The following PKN2 variants were observed in gnomAD, a reference collection of about 807,000 sequenced individuals.
PKN2 encodes the protein protein kinase N2.
PKN2 carries 38 observed loss-of-function variants against 119.1 expected under a neutral mutation model. The observed-to-expected ratio is 0.32, with a 90% CI of 0.25 to 0.42. The LOEUF (loss-of-function observed/expected upper bound fraction) is 0.42. Ranked by LOEUF, PKN2 falls within the 10% of genes least tolerant of loss-of-function variation. PKN2 has a pLI of 1.00. For synonymous variants in PKN2, 390 were observed against 384.9 expected (o/e 1.01, Z -0.15); for missense variants, 850 against 1,165.1 (o/e 0.73, Z 3.94).
At position 88,749,403 on chromosome 1, in the gene PKN2, C is replaced by CAAA. The variant is rs11430270; in HGVS notation, c.349+8132_349+8134dup. 4.8e-4 allele frequency among the ~76,000 whole-genome samples: 56 copies of CAAA among 116,740 alleles called. 1 individual carries two copies. The highest frequency in any genetic ancestry group is 1.1e-3 in the African/African-American group (33 of 30,490). The allele number at this position is 116,740 out of a possible 152,430, so 76.6% of individuals were successfully genotyped here. On this transcript the variant is annotated intron_variant, in intron 2 of 21. Transcript: ENST00000370521. Reference sequence around the variant, plus strand: ...CCGGCGACAGTGCGAGACTCCGTCTCAAAAAAAAAAAAAAAAAAATTATTC... The same window carrying CAAA: ...CCGGCGACAGTGCGAGACTCCGTCTCAAAAAAAAAAAAAAAAAAAAAATTATTC...
Position 88,818,658 on chromosome 1 carries a change from A to G in PKN2, c.2280-3283A>G, listed in dbSNP as rs933676241. Among the ~76,000 whole-genome samples the G allele has an allele frequency of 7.9e-5, 12 of 151,720 alleles. No homozygotes were observed. The East Asian group carries it at 9.6e-4, about 12-fold the overall frequency. Reference sequence around the variant, plus strand: ...GTGAGACTCCTTCTCAAAAAAAAAAAAAAAAGAAAAAGAAGAAACTACTTT... The same window carrying G: ...GTGAGACTCCTTCTCAAAAAAAAAAGAAAAAGAAAAAGAAGAAACTACTTT... On this transcript the variant is annotated intron_variant, in intron 16 of 21. Coordinates refer to ENST00000370521, the MANE Select transcript of PKN2 (RefSeq NM_006256.4).
intron 2 of PKN2, among the ~76,000 whole-genome samples, chr1:88,758,951 C>T (rs868414552): frequency 1.1e-4 from 17 of 152,168 alleles, no homozygotes; most frequent in African/African-American, 2.9e-4. Flanking sequence ...TTGGTCTTTG[C>T]GGAATCTCCA....
In PKN2 at chr1:88,835,559, T is replaced by A. The variant is rs1405283949; in HGVS notation, c.*2111T>A. The A allele has an allele frequency of 5.9e-5, 9 of 152,314 alleles. No homozygotes were observed. Among genetic ancestry groups the A allele is most frequent in the East Asian group, 1.9e-4 (1 of 5,196 alleles). The allele number at this position is 152,314 out of a possible 1,614,324, so 9.4% of individuals were successfully genotyped here. ...AGCACTAATTTTTTGTAGTTTAAAA[T>A]ATATATATATTTTAGTCAGATTTAA... On this transcript the variant is annotated 3_prime_UTR_variant, in exon 22 of 22. Transcript: ENST00000370521.
intron 9 of PKN2, 86 bp downstream of exon 9, chr1:88,804,620 A>G: frequency 7.6e-7 from 1 of 1,323,664 alleles, no homozygotes; most frequent in Non-Finnish European, 1.1e-6. Flanking sequence ...AAAGAGTGTT[A>G]GGCTGAAAGA....
At chr1:88,728,416 C>T (rs1476553237) in intron 1 of PKN2, among the ~76,000 whole-genome samples, 1 of 152,108 alleles carries the variant, frequency 6.6e-6, no homozygotes, top group African/African-American at 2.4e-5. Flanking sequence ...AAATTACAAG[C>T]AGGTTTTTCA....
At chr1:88,774,061 C>T (rs183202107) in intron 6 of PKN2, among the ~76,000 whole-genome samples, 19 of 152,194 alleles carry the variant, frequency 1.2e-4, no homozygotes, top group African/African-American at 4.3e-4. Context: ...CTTAGGATTA[C>T]GTTTTTATTA....
intron 18 of PKN2, among the ~76,000 whole-genome samples, chr1:88,827,598 C>T (rs981938891): frequency 3.6e-5 from 5 of 138,942 alleles, no homozygotes; most frequent in Non-Finnish European, 6.2e-5. Context: ...TCAACCTGTA[C>T]TCTCCCTTCC....
intron 10 of PKN2, 147 bp downstream of exon 10, chr1:88,805,068 G>C: frequency 3.6e-6 from 2 of 550,462 alleles, no homozygotes; most frequent in Non-Finnish European, 6.5e-6. Context: ...TATTTTAAAT[G>C]TATCCATAAG....
chr1:88,799,931 A>G (rs1433109779), intron 8 of PKN2, among the ~76,000 whole-genome samples: 2 of 152,244 alleles, frequency 1.3e-5, no homozygotes, highest in Non-Finnish European at 2.9e-5. Context: ...CCTCAGAGGC[A>G]CATTGAAGAC....
chr1:88,795,386 C>G lies in PKN2; in HGVS notation c.1282-9005C>G, dbSNP rs574120907. Among the ~76,000 whole-genome samples, 8 of 152,196 alleles carry G rather than the reference C, an allele frequency of 5.3e-5. No individual in the cohort carries two copies. In the East Asian group the frequency reaches 1.5e-3, roughly 29 times the overall value. ...ATTCTTGTTGGATATACTCACATTC[C>G]TCCCATTAAAAATTTTTATTTTGCT... On this transcript the variant is annotated intron_variant, in intron 8 of 21. Transcript: ENST00000370521.
intron 1 of PKN2, among the ~76,000 whole-genome samples, chr1:88,691,421 A>G (rs189755905): frequency 2.0e-5 from 3 of 152,162 alleles, no homozygotes; most frequent in Admixed American, 1.3e-4. Context: ...TGTAGTTGCT[A>G]CCTTAGGGAT....
chr1:88,695,440 T>C (rs1447185227), intron 1 of PKN2, among the ~76,000 whole-genome samples: 2 of 152,112 alleles, frequency 1.3e-5, no homozygotes, highest in African/African-American at 2.4e-5. Flanking sequence ...GTTCTTTTGT[T>C]TTTTTATCTC....
intron 1 of PKN2, among the ~76,000 whole-genome samples, chr1:88,691,120 G>A (rs1295736280): frequency 6.6e-6 from 1 of 152,074 alleles, no homozygotes; most frequent in Non-Finnish European, 1.5e-5. Context: ...TTGAAGTGCA[G>A]TGACGTGATC....
At chr1:88,723,553 C>G (rs577776658) in intron 1 of PKN2, among the ~76,000 whole-genome samples, 1 of 152,254 alleles carries the variant, frequency 6.6e-6, no homozygotes, top group East Asian at 1.9e-4. Context: ...TCCCAAGTAG[C>G]TGGGATTACA....
In PKN2 at chr1:88,708,927, C is replaced by CT. The variant is rs900276902; in HGVS notation, c.48+24309dup. Among the ~76,000 whole-genome samples, 93 of 148,278 alleles carry CT rather than the reference C, an allele frequency of 6.3e-4. 1 individual carries two copies. The highest frequency in any genetic ancestry group is 7.6e-4 in the Non-Finnish European group (51 of 66,840). Reference sequence around the variant, plus strand: ...AATGGCCTTTGTGGTTAGTATGATTCTTTTTTTTTTCTTTTCTCCCAGTTG... The same window carrying CT: ...AATGGCCTTTGTGGTTAGTATGATTCTTTTTTTTTTTCTTTTCTCCCAGTTG... On this transcript the variant is annotated intron_variant, in intron 1 of 21. Transcript: ENST00000370521.
chr1:88,807,379 T>A lies in PKN2; in HGVS notation c.1870T>A (p.Tyr624Asn), dbSNP rs1230801475. Residue 624 changes from tyrosine (Y) to asparagine (N), a missense_variant, in exon 13 of 22, where the codon TAC (tyrosine) becomes AAC (asparagine). Coordinates refer to ENST00000370521, the MANE Select transcript of PKN2 (RefSeq NM_006256.4). ...TATACTTCCAAAATCTCAATCTGAATACAAGCCTGATACTCCTCAGTCAGG... is the reference window on the plus strand; with the variant it reads ...TATACTTCCAAAATCTCAATCTGAAAACAAGCCTGATACTCCTCAGTCAGG... ...NSILPKSQSE[Y>N]KPDTPQSGLE... 1.2e-6 allele frequency: 2 copies of A among 1,604,802 alleles called. No individual in the cohort carries two copies. The highest frequency in any genetic ancestry group is 8.5e-7 in the Non-Finnish European group (1 of 1,172,802).
chr1:88,791,327 C>T (rs1376447160), intron 8 of PKN2, among the ~76,000 whole-genome samples: 1 of 151,728 alleles, frequency 6.6e-6, no homozygotes, highest in Non-Finnish European at 1.5e-5. Context: ...TCCCAGCTAA[C>T]CTAGGAGGCT....
chr1:88,721,907 C>T (rs1023093834), intron 1 of PKN2, among the ~76,000 whole-genome samples: 1 of 152,114 alleles, frequency 6.6e-6, no homozygotes, highest in African/African-American at 2.4e-5. Context: ...ATGGAATTTT[C>T]TGAGGTCAGT....
Position 88,754,950 on chromosome 1 carries a change from C to A in PKN2, c.350-5272C>A, listed in dbSNP as rs67631947. Among the ~76,000 whole-genome samples the A allele has an allele frequency of 1.8e-4, 28 of 152,064 alleles. 1 individual carries two copies. The highest frequency in any genetic ancestry group is 1.8e-3 in the Admixed American group (28 of 15,268). ...GAAGCAAGCATAATTTCTTATAATA[C>A]CCCCGAAAATACTTTTTCAGTAATA... On this transcript the variant is annotated intron_variant, in intron 2 of 21. Transcript: ENST00000370521.
Sources: gnomAD v4.1 joint callset for allele counts (sites outside exome capture counted in the v4.1 genomes callset) on GRCh38, gnomAD v4.1.1 for gene constraint, MANE v1.5 for transcripts, NCBI Gene and HGNC (gene_info 2026-07-23, HGNC 2026-07-21) for gene names.